Variants in AGBL1 observed in about 807,000 individuals in gnomAD.
The protein encoded by AGBL1 is AGBL carboxypeptidase 1.
Under a neutral mutation model 118.9 loss-of-function variants are expected in AGBL1, and 130 were observed. The observed-to-expected ratio is 1.09, with a 90% CI of 0.95 to 1.26. AGBL1 has a LOEUF of 1.26. Among genes scored for constraint, AGBL1 ranks in the 50% most tolerant of loss-of-function variants. AGBL1 has a pLI of 0.00. For synonymous variants in AGBL1, 555 were observed against 478.9 expected (o/e 1.16, Z -2.08); for missense variants, 1,584 against 1,298.1 (o/e 1.22, Z -3.38).
intron 22 of AGBL1, among the ~76,000 whole-genome samples, chr15:86,852,020 A>C (rs557374237): frequency 6.6e-6 from 1 of 152,272 alleles, no homozygotes; most frequent in South Asian, 2.1e-4. Flanking sequence ...GAACTACTAC[A>C]TAAACACTGT....
At chr15:86,119,376 C>G (rs1206538849) in intron 1 of AGBL1, among the ~76,000 whole-genome samples, 1 of 151,512 alleles carries the variant, frequency 6.6e-6, no homozygotes, top group Non-Finnish European at 1.5e-5. Context: ...ACTTTTCCTT[C>G]TTGCTACTGA....
chr15:86,539,711 C>G (rs778969475), intron 19 of AGBL1, among the ~76,000 whole-genome samples: 27 of 152,302 alleles, frequency 1.8e-4, no homozygotes, highest in Non-Finnish European at 3.5e-4. Context: ...TTGGATAGCT[C>G]TCACTCAGTA....
chr15:86,165,878 C>T (rs2077334428), intron 5 of AGBL1, among the ~76,000 whole-genome samples: 1 of 152,178 alleles, frequency 6.6e-6, no homozygotes, highest in African/African-American at 2.4e-5. Flanking sequence ...ATTATTGCAT[C>T]TGCAACCTGA....
intron 5 of AGBL1, among the ~76,000 whole-genome samples, chr15:86,213,498 C>T (rs1030446654): frequency 2.0e-5 from 3 of 152,146 alleles, no homozygotes; most frequent in African/African-American, 7.2e-5. Context: ...GGGGCTGGAG[C>T]TTAAAACTCT....
At chr15:86,562,132 G>T (rs937107708) in intron 21 of AGBL1, among the ~76,000 whole-genome samples, 6 of 151,980 alleles carry the variant, frequency 3.9e-5, no homozygotes, top group African/African-American at 7.2e-5. Context: ...TTTTCCTAAT[G>T]GAATACCCTT....
chr15:86,419,249 A>G (rs1244326695), intron 18 of AGBL1, among the ~76,000 whole-genome samples: 2 of 151,874 alleles, frequency 1.3e-5, no homozygotes, highest in South Asian at 2.1e-4. Flanking sequence ...TGCATTTCCA[A>G]CCGAGGTACC....
intron 23 of AGBL1, among the ~76,000 whole-genome samples, chr15:86,952,619 T>A (rs1272454423): frequency 2.0e-5 from 3 of 152,302 alleles, no homozygotes; most frequent in African/African-American, 7.2e-5. Context: ...AAATATTTTC[T>A]CCCATCCTGT....
intron 22 of AGBL1, among the ~76,000 whole-genome samples, chr15:86,717,189 T>C (rs980872836): frequency 6.6e-6 from 1 of 152,108 alleles, no homozygotes; most frequent in African/African-American, 2.4e-5. Flanking sequence ...GAATTTGAGA[T>C]GAAATGTGAT....
intron 22 of AGBL1, among the ~76,000 whole-genome samples, chr15:86,820,326 A>T (rs1274314599): frequency 6.6e-6 from 1 of 152,244 alleles, no homozygotes; most frequent in East Asian, 1.9e-4. Flanking sequence ...TCTGCACAGC[A>T]AAAGAAACTA....
intron 17 of AGBL1, among the ~76,000 whole-genome samples, chr15:86,328,594 G>C (rs112409634): frequency 6.6e-6 from 1 of 152,124 alleles, no homozygotes; most frequent in Admixed American, 6.5e-5. Context: ...AATCATGAAG[G>C]ACACCCCAAA....
At chr15:86,175,183 C>A (rs543496558) in intron 5 of AGBL1, among the ~76,000 whole-genome samples, 1 of 152,050 alleles carries the variant, frequency 6.6e-6, no homozygotes, top group South Asian at 2.1e-4. Context: ...ATTACTCATT[C>A]AATCTTGTAC....
intron 17 of AGBL1, among the ~76,000 whole-genome samples, chr15:86,298,555 G>A (rs951897761): frequency 1.3e-5 from 2 of 151,802 alleles, no homozygotes; most frequent in Non-Finnish European, 2.9e-5. Context: ...ATTGATTCAG[G>A]AGAAAACAGC....
At chr15:86,089,030 T>C (rs1895853699) in intron 1 of AGBL1, among the ~76,000 whole-genome samples, 1 of 152,196 alleles carries the variant, frequency 6.6e-6, no homozygotes, top group African/African-American at 2.4e-5. Context: ...TGAATGTGCA[T>C]AGTATATTAA....
At chr15:86,859,887 A>G (rs2079537118) in intron 22 of AGBL1, among the ~76,000 whole-genome samples, 1 of 152,144 alleles carries the variant, frequency 6.6e-6, no homozygotes, top group African/African-American at 2.4e-5. Flanking sequence ...GTGACCTTGG[A>G]CAACTTAAAG....
At chr15:86,968,448 C>T (rs2141698706) in intron 23 of AGBL1, among the ~76,000 whole-genome samples, 1 of 152,010 alleles carries the variant, frequency 6.6e-6, no homozygotes, top group Admixed American at 6.6e-5. Context: ...GCTTACATCG[C>T]ATTTTGCAAT....
At chr15:86,157,159 TG>T (rs1255688803) in intron 4 of AGBL1, among the ~76,000 whole-genome samples, 1 of 152,128 alleles carries the variant, frequency 6.6e-6, no homozygotes, top group Non-Finnish European at 1.5e-5. Context: ...AAGGTATTTC[TG>T]GGGGAATAAT....
intron 21 of AGBL1, among the ~76,000 whole-genome samples, chr15:86,646,390 G>T (rs952111117): frequency 2.0e-5 from 3 of 152,092 alleles, no homozygotes; most frequent in Non-Finnish European, 4.4e-5. Context: ...AGTCCTTCTC[G>T]AACTTGAGAG....
At chr15:86,873,812 T>C (rs1044713446) in intron 22 of AGBL1, among the ~76,000 whole-genome samples, 2 of 151,956 alleles carry the variant, frequency 1.3e-5, no homozygotes, top group African/African-American at 4.8e-5. Flanking sequence ...AAACTAAATA[T>C]TACTACCTCT....
intron 10 of AGBL1, among the ~76,000 whole-genome samples, 184 bp from the exon 11 acceptor site, chr15:86,264,074 A>G (rs2079033689): frequency 1.3e-5 from 2 of 152,048 alleles, no homozygotes; most frequent in Admixed American, 1.3e-4. Context: ...TCCAAACATG[A>G]GTTTCTATGA....
Sources: gnomAD v4.1 joint callset for allele counts (sites outside exome capture counted in the v4.1 genomes callset) on GRCh38, gnomAD v4.1.1 for gene constraint, MANE v1.5 for transcripts, NCBI Gene and HGNC (gene_info 2026-07-23, HGNC 2026-07-21) for gene names.